CERS3: variants seen among roughly 807,000 people sequenced by gnomAD.
CERS3 encodes the protein LAG1 homolog, ceramide synthase 3.
CERS3 carries 33 observed loss-of-function variants against 50.3 expected under a neutral mutation model. The observed-to-expected ratio is 0.66, with a 90% CI of 0.50 to 0.88. CERS3 has a LOEUF of 0.88. CERS3 is among the 40% of genes least tolerant of loss of function. The pLI, the probability that CERS3 is intolerant of heterozygous loss-of-function variation, is 0.00. For synonymous variants in CERS3, 176 were observed against 155.2 expected (o/e 1.13, Z -0.99); for missense variants, 470 against 460.3 (o/e 1.02, Z -0.19).
intron 11 of CERS3, among the ~76,000 whole-genome samples, chr15:100,410,184 C>A (rs2031369889): frequency 2.0e-5 from 3 of 152,092 alleles, no homozygotes; most frequent in Admixed American, 1.3e-4. Context: ...GAAGTCTCTG[C>A]CCCCAACGAC....
At chr15:100,526,285 T>G (rs1241297228) in intron 1 of CERS3, among the ~76,000 whole-genome samples, 1 of 152,182 alleles carries the variant, frequency 6.6e-6, no homozygotes, top group Admixed American at 6.5e-5. Flanking sequence ...TGGGGAGGGC[T>G]TGGAAAGTCC....
At chr15:100,522,857 C>G (rs986190876) in intron 1 of CERS3, among the ~76,000 whole-genome samples, 1 of 152,074 alleles carries the variant, frequency 6.6e-6, no homozygotes, top group Non-Finnish European at 1.5e-5. Context: ...GGAGTGGAAA[C>G]GCCAGGTCAT....
chr15:100,495,081 A>G (rs2035770384), intron 3 of CERS3, among the ~76,000 whole-genome samples: 1 of 152,214 alleles, frequency 6.6e-6, no homozygotes, highest in South Asian at 2.1e-4. Flanking sequence ...GCGCTGAGTC[A>G]GGTCAGATAA....
chr15:100,472,827 A>G (rs906517382), intron 9 of CERS3, 97 bp downstream of exon 9: 2 of 1,398,248 alleles, frequency 1.4e-6, no homozygotes, highest in Non-Finnish European at 2.0e-6. Context: ...TTTTCAGGAC[A>G]CAGAGCTCTG....
intron 2 of CERS3, among the ~76,000 whole-genome samples, chr15:100,514,166 G>T (rs1369213669): frequency 6.6e-6 from 1 of 152,138 alleles, no homozygotes; most frequent in African/African-American, 2.4e-5. Context: ...TCCCTGCAGG[G>T]TTGTTAGAAT....
intron 1 of CERS3, chr15:100,544,562 G>C (rs893671604): frequency 4.0e-5 from 6 of 150,582 alleles, no homozygotes; most frequent in Non-Finnish European, 8.9e-5. Flanking sequence ...GGGCGCGGTC[G>C]GGCAGCCCCA....
intron 11 of CERS3, among the ~76,000 whole-genome samples, chr15:100,422,992 C>T (rs911919792): frequency 1.3e-5 from 2 of 149,424 alleles, no homozygotes; most frequent in Non-Finnish European, 3.0e-5. Context: ...TGCTAGATGA[C>T]GAGTTAGTGG....
chr15:100,433,410 A>G (rs1013023385), intron 11 of CERS3, among the ~76,000 whole-genome samples: 5 of 152,138 alleles, frequency 3.3e-5, no homozygotes, highest in Admixed American at 2.0e-4. Flanking sequence ...TTCCTAGGAA[A>G]CAGAACACTG....
rs541578349 is a variant in CERS3, at chr15:100,479,818, TA to T, written c.465+170del. Among the ~76,000 whole-genome samples, 6 of 152,182 alleles carry T rather than the reference TA, an allele frequency of 3.9e-5. No homozygotes were observed. In the South Asian group the frequency reaches 1.0e-3, roughly 26 times the overall value. On this transcript the variant is annotated intron_variant, in intron 6 of 11. Coordinates refer to ENST00000679737, the MANE Select transcript of CERS3 (RefSeq NM_001378789.1). ...AATTGTATTATTGCTTCTGCAGCAA[TA>T]AAAAAATCTTGAGACATCTGTAGCA...
chr15:100,506,254 G>A (rs2036176006), intron 2 of CERS3, among the ~76,000 whole-genome samples: 1 of 152,150 alleles, frequency 6.6e-6, no homozygotes, highest in African/African-American at 2.4e-5. Flanking sequence ...GAAAAAAAAT[G>A]ACGAATAATC....
chr15:100,407,212 C>A (rs2031111138), intron 11 of CERS3, among the ~76,000 whole-genome samples: 1 of 152,206 alleles, frequency 6.6e-6, no homozygotes, highest in African/African-American at 2.4e-5. Context: ...CATCTACCCA[C>A]CCATCTCTGC....
chr15:100,484,192 C>T (rs539169726), intron 5 of CERS3, among the ~76,000 whole-genome samples: 1 of 152,056 alleles, frequency 6.6e-6, no homozygotes, highest in Non-Finnish European at 1.5e-5. Context: ...GACTTAGGGC[C>T]AACCCTGACC....
chr15:100,410,559 C>G (rs980754413), intron 11 of CERS3, among the ~76,000 whole-genome samples: 1 of 152,184 alleles, frequency 6.6e-6, no homozygotes, highest in African/African-American at 2.4e-5. Flanking sequence ...AGACGAACTG[C>G]CTCACATTCC....
At chr15:100,498,648 C>G (rs1185773908) in intron 3 of CERS3, among the ~76,000 whole-genome samples, 6 of 152,184 alleles carry the variant, frequency 3.9e-5, no homozygotes, top group East Asian at 1.9e-4. Flanking sequence ...AGACGGCCCC[C>G]CCTTTGTCTA....
chr15:100,411,580 A>T (rs2031495167), intron 11 of CERS3, among the ~76,000 whole-genome samples: 1 of 152,192 alleles, frequency 6.6e-6, no homozygotes, highest in Non-Finnish European at 1.5e-5. Flanking sequence ...GATTGTGAAT[A>T]ATGCTGCTAC....
intron 5 of CERS3, among the ~76,000 whole-genome samples, chr15:100,483,184 C>T (rs1303127310): frequency 6.6e-6 from 1 of 152,204 alleles, no homozygotes; most frequent in Non-Finnish European, 1.5e-5. Flanking sequence ...CTACTTCAGC[C>T]ATGCTGATGC....
intron 2 of CERS3, among the ~76,000 whole-genome samples, chr15:100,509,959 C>A (rs967249933): frequency 1.4e-4 from 21 of 150,266 alleles, no homozygotes; most frequent in Non-Finnish European, 7.4e-5. Context: ...GTTAAAGGGT[C>A]GGGTAAACAT....
chr15:100,440,617 C>T (rs902939222), intron 11 of CERS3, among the ~76,000 whole-genome samples: 19 of 152,226 alleles, frequency 1.2e-4, no homozygotes, highest in Admixed American at 3.3e-4. Flanking sequence ...AAATTTGGTG[C>T]TGTGACTGGA....
intron 11 of CERS3, among the ~76,000 whole-genome samples, chr15:100,412,728 G>A (rs967519652): frequency 7.9e-5 from 12 of 152,120 alleles, no homozygotes; most frequent in African/African-American, 2.9e-4. Flanking sequence ...CAACTAACCA[G>A]TGTAAAATAG....
Sources: allele counts gnomAD v4.1 joint callset (sites outside exome capture counted in the v4.1 genomes callset), GRCh38; gene constraint gnomAD v4.1.1; transcripts MANE v1.5; gene names NCBI Gene and HGNC (gene_info 2026-07-23, HGNC 2026-07-21).